Variants in ST6GALNAC5 observed in about 807,000 individuals in gnomAD.
ST6GALNAC5 encodes the protein ST6 N-acetylgalactosaminide alpha-2,6-sialyltransferase 5.
Under a neutral mutation model 33.6 loss-of-function variants are expected in ST6GALNAC5, and 27 were observed. That is an observed-to-expected ratio of 0.80 (90% confidence interval 0.59 to 1.11). The LOEUF (loss-of-function observed/expected upper bound fraction) is 1.11. Ranked by LOEUF, ST6GALNAC5 falls within the 50% of genes least tolerant of loss-of-function variation. The pLI is 0.00. For missense variants in ST6GALNAC5, 428 were observed against 454.0 expected (o/e 0.94, Z 0.52); for synonymous variants, 194 against 171.2 (o/e 1.13, Z -1.04).
intron 2 of ST6GALNAC5, among the ~76,000 whole-genome samples, chr1:76,929,751 C>T (rs1647120603): frequency 6.6e-6 from 1 of 152,052 alleles, no homozygotes; most frequent in Admixed American, 6.6e-5. Context: ...TGTTCATCAT[C>T]TCAATAATTT....
chr1:76,940,913 T>C (rs1647317430), intron 2 of ST6GALNAC5, among the ~76,000 whole-genome samples: 1 of 152,116 alleles, frequency 6.6e-6, no homozygotes, highest in South Asian at 2.1e-4. Flanking sequence ...TGACTGATAG[T>C]CATAACTGGT....
intron 2 of ST6GALNAC5, among the ~76,000 whole-genome samples, chr1:77,006,946 AC>A (rs1226634846): frequency 1.1e-4 from 17 of 152,048 alleles, no homozygotes; most frequent in African/African-American, 4.1e-4. Flanking sequence ...TAGGCCTAGA[AC>A]CTTTCCTTGT....
At chr1:77,056,316 T>C (rs1056801033) in intron 4 of ST6GALNAC5, among the ~76,000 whole-genome samples, 1 of 152,230 alleles carries the variant, frequency 6.6e-6, no homozygotes, top group Non-Finnish European at 1.5e-5. Context: ...AAGTATTTAA[T>C]CTCATTTTCC....
chr1:76,899,915 C>A (rs1646800204), intron 2 of ST6GALNAC5, among the ~76,000 whole-genome samples: 1 of 152,150 alleles, frequency 6.6e-6, no homozygotes, highest in Non-Finnish European at 1.5e-5. Context: ...GAGCAAAATG[C>A]AGGAGGACAG....
intron 2 of ST6GALNAC5, among the ~76,000 whole-genome samples, chr1:76,879,792 G>A (rs1177053383): frequency 6.6e-6 from 1 of 152,178 alleles, no homozygotes; most frequent in Non-Finnish European, 1.5e-5. Flanking sequence ...AGGTCCATCA[G>A]AGTTTACAAA....
chr1:77,043,817 C>A (rs1570130617), intron 2 of ST6GALNAC5, among the ~76,000 whole-genome samples: 1 of 152,298 alleles, frequency 6.6e-6, no homozygotes, highest in Middle Eastern at 3.4e-3. Flanking sequence ...GGAAGCACAA[C>A]TTTATTACTG....
chr1:76,911,553 G>T (rs543993930), intron 2 of ST6GALNAC5, among the ~76,000 whole-genome samples: 298 of 152,150 alleles, frequency 2.0e-3, no homozygotes, highest in African/African-American at 6.8e-3. Context: ...GTAGAATTCG[G>T]CTGTGAATCC....
chr1:76,893,159 A>C (rs1654049586), intron 2 of ST6GALNAC5, among the ~76,000 whole-genome samples: 1 of 152,216 alleles, frequency 6.6e-6, no homozygotes, highest in Admixed American at 6.5e-5. Context: ...AGCTTAGGAG[A>C]CCAGCACTCA....
At chr1:76,957,937 C>CT (rs978643230) in intron 2 of ST6GALNAC5, among the ~76,000 whole-genome samples, 1 of 151,964 alleles carries the variant, frequency 6.6e-6, no homozygotes, top group African/African-American at 2.4e-5. Flanking sequence ...GGATACCTCG[C>CT]TTTTTTTAAT....
intron 2 of ST6GALNAC5, among the ~76,000 whole-genome samples, chr1:77,037,858 G>C (rs1651702652): frequency 6.6e-6 from 1 of 152,168 alleles, no homozygotes; most frequent in Admixed American, 6.5e-5. Context: ...GACCCAACAG[G>C]ATTGTCTGAG....
chr1:76,915,574 T>C (rs931150817), intron 2 of ST6GALNAC5, among the ~76,000 whole-genome samples: 6 of 151,890 alleles, frequency 4.0e-5, no homozygotes, highest in Non-Finnish European at 8.8e-5. Flanking sequence ...ATCATCATTC[T>C]CAGTAAACTA....
At chr1:76,983,020 A>T (rs1328741329) in intron 2 of ST6GALNAC5, among the ~76,000 whole-genome samples, 1 of 152,060 alleles carries the variant, frequency 6.6e-6, no homozygotes, top group Non-Finnish European at 1.5e-5. Context: ...GGCACTAAAC[A>T]TGGAAAGGAA....
rs60179124 is a variant in ST6GALNAC5 at position 76,868,607 on chromosome 1, G to GCAGCAACAGCAGCAA, written c.131_132insACAGCAGCAACAGCA (p.Gln45_Gln49dup). ...AGCGGCCCCCGCAGCAGCAGCAGCA[G>GCAGCAACAGCAGCAA]CAGCAGCAACAGCAGCAGCAGGCGT... On this transcript the variant is annotated inframe_insertion, in exon 2 of 5. Transcript: ENST00000477717. The surrounding 1 kb of genome is among the most constrained non-coding windows in gnomAD (Gnocchi z 4.3). 3.7e-6 allele frequency: 6 copies of GCAGCAACAGCAGCAA among 1,611,388 alleles called. No homozygotes were observed. The African/African-American group carries it at 8.0e-5, about 22-fold the overall frequency.
chr1:76,954,149 C>A (rs1398165980), intron 2 of ST6GALNAC5, among the ~76,000 whole-genome samples: 2 of 151,914 alleles, frequency 1.3e-5, no homozygotes, highest in East Asian at 3.9e-4. Context: ...CAGTGATAGA[C>A]TGGACAAAAA....
chr1:76,873,650 A>G (rs561278887), intron 2 of ST6GALNAC5, among the ~76,000 whole-genome samples: 53 of 152,346 alleles, frequency 3.5e-4, no homozygotes, highest in Admixed American at 2.0e-3. Flanking sequence ...AGTAATTCTA[A>G]TAACAGGGAG....
chr1:76,894,475 CA>C (rs150933880), intron 2 of ST6GALNAC5, among the ~76,000 whole-genome samples: 6,198 of 152,060 alleles, frequency 0.041, 217 homozygotes, highest in African/African-American at 0.092. Context: ...CAGGAAGAGG[CA>C]GGGGGGGGAT....
chr1:77,050,310 CT>C lies in ST6GALNAC5; in HGVS notation c.725del (p.Leu242ArgfsTer86), dbSNP rs1557774892. 6.2e-7 allele frequency: 1 copy of C among 1,614,096 alleles called. No individual in the cohort carries two copies. Among genetic ancestry groups the C allele is most frequent in the South Asian group, 1.1e-5 (1 of 91,084 alleles). ...STGWFTMTIA[L>X]ELCDRINVYG... ...TGGCTGGTTTACAATGACAATTGCA[CT>C]GGAGCTCTGTGACAGGATCAATGTT... On this transcript the variant is annotated frameshift_variant, in exon 4 of 5. Coordinates refer to ENST00000477717, the MANE Select transcript of ST6GALNAC5 (RefSeq NM_030965.3). LOFTEE classifies it high-confidence loss of function.
At chr1:76,938,913 C>G (rs1367122806) in intron 2 of ST6GALNAC5, among the ~76,000 whole-genome samples, 1 of 152,106 alleles carries the variant, frequency 6.6e-6, no homozygotes, top group Non-Finnish European at 1.5e-5. Context: ...GTTTAATTAT[C>G]TGCATTACTT....
At chr1:76,982,025 C>A (rs1010125318) in intron 2 of ST6GALNAC5, among the ~76,000 whole-genome samples, 2 of 152,186 alleles carry the variant, frequency 1.3e-5, no homozygotes, top group African/African-American at 4.8e-5. Flanking sequence ...CATCAAAGAA[C>A]AAAGGTAGAT....
Sources: gnomAD v4.1 joint callset for allele counts (sites outside exome capture counted in the v4.1 genomes callset) on GRCh38, gnomAD v4.1.1 for gene constraint, Gnocchi (gnomAD v3.1) non-coding constraint, MANE v1.5 for transcripts, NCBI Gene and HGNC (gene_info 2026-07-23, HGNC 2026-07-21) for gene names.